Variants in EPHB2 observed in about 807,000 individuals in gnomAD.
EPHB2 encodes the protein ephrin type-B receptor 2.
EPHB2 carries 18 observed loss-of-function variants against 96.4 expected under a neutral mutation model. The observed-to-expected ratio is 0.19, with a 90% CI of 0.13 to 0.28. The LOEUF (loss-of-function observed/expected upper bound fraction) is 0.28. EPHB2 is among the 10% of genes least tolerant of loss of function. The pLI is 1.00. For missense variants in EPHB2, 989 were observed against 1,355.4 expected (o/e 0.73, Z 4.25); for synonymous variants, 506 against 534.1 (o/e 0.95, Z 0.72).
chr1:22,754,816 GAA>G (rs1644118338), intron 1 of EPHB2, among the ~76,000 whole-genome samples: 1 of 1,042 alleles, frequency 9.6e-4, no homozygotes, highest in Non-Finnish European at 2.0e-3. Context: ...AGAGGCAGGG[GAA>G]GGGAGGTGAG....
At chr1:22,827,202 G>T (rs963152122) in intron 3 of EPHB2, among the ~76,000 whole-genome samples, 5 of 152,220 alleles carry the variant, frequency 3.3e-5, no homozygotes, top group East Asian at 1.9e-4. Flanking sequence ...CCTGCAGAGA[G>T]CCCTCCCTGG....
intron 11 of EPHB2, 97 bp from the exon 12 acceptor site, chr1:22,907,856 T>A (rs1639966191): frequency 6.8e-7 from 1 of 1,468,472 alleles, no homozygotes; most frequent in Non-Finnish European, 9.5e-7. Flanking sequence ...AGAGCCAGGC[T>A]GGCAGGGCCC....
chr1:22,789,159 A>G (rs1427692736), intron 3 of EPHB2, among the ~76,000 whole-genome samples: 1 of 152,206 alleles, frequency 6.6e-6, no homozygotes, highest in Non-Finnish European at 1.5e-5. Flanking sequence ...GCTGGGACCT[A>G]AGGCCAAAGA....
At chr1:22,835,985 T>C (rs1322567942) in intron 3 of EPHB2, 2 of 152,074 alleles carry the variant, frequency 1.3e-5, no homozygotes, top group African/African-American at 4.8e-5. Flanking sequence ...TTTTTTTTTT[T>C]CCTTGACACA....
chr1:22,816,872 T>G (rs1645082530), intron 3 of EPHB2, among the ~76,000 whole-genome samples: 1 of 152,214 alleles, frequency 6.6e-6, no homozygotes, highest in East Asian at 1.9e-4. Context: ...TCAGTCCAGG[T>G]CTCCTGGCCA....
At chr1:22,876,190 C>T (rs1418477062) in intron 5 of EPHB2, among the ~76,000 whole-genome samples, 1 of 152,080 alleles carries the variant, frequency 6.6e-6, no homozygotes, top group Non-Finnish European at 1.5e-5. Flanking sequence ...CTGTGCCCAG[C>T]GACCTCTCCC....
At chr1:22,735,292 A>G (rs1265097837) in intron 1 of EPHB2, among the ~76,000 whole-genome samples, 2 of 151,924 alleles carry the variant, frequency 1.3e-5, no homozygotes, top group East Asian at 3.9e-4. Context: ...TTTTTTAATT[A>G]GTCAGGCATG....
chr1:22,793,760 T>C (rs1380590700), intron 3 of EPHB2, among the ~76,000 whole-genome samples: 1 of 152,162 alleles, frequency 6.6e-6, no homozygotes, highest in Non-Finnish European at 1.5e-5. Flanking sequence ...CATTATCTTA[T>C]TGAAACTTCT....
intron 1 of EPHB2, among the ~76,000 whole-genome samples, chr1:22,743,852 A>G (rs1643933724): frequency 6.6e-6 from 1 of 152,202 alleles, no homozygotes; most frequent in Non-Finnish European, 1.5e-5. Context: ...GGCCACCTCT[A>G]CAAATGGTAA....
Position 22,761,761 on chromosome 1 carries a change from C to T in EPHB2, c.62-19660C>T, listed in dbSNP as rs1034030093. 2.6e-4 allele frequency among the ~76,000 whole-genome samples: 39 copies of T among 152,224 alleles called. 1 individual carries two copies. The highest frequency in any genetic ancestry group is 2.2e-3 in the Admixed American group (34 of 15,292). Reference sequence around the variant, plus strand: ...GTTGAAGCAGTTGAAGCCTCCTCCCCGGCTCATCCAGACCCTCATGGTGTG... The same window carrying T: ...GTTGAAGCAGTTGAAGCCTCCTCCCTGGCTCATCCAGACCCTCATGGTGTG... On this transcript the variant is annotated intron_variant, in intron 1 of 15. Coordinates refer to ENST00000374630, the MANE Select transcript of EPHB2 (RefSeq NM_017449.5).
At chr1:22,771,390 G>A (rs138369967) in intron 1 of EPHB2, among the ~76,000 whole-genome samples, 5 of 152,188 alleles carry the variant, frequency 3.3e-5, no homozygotes, top group African/African-American at 4.8e-5. Context: ...CCAGGAGGGC[G>A]AGGGACATGG....
chr1:22,912,284 G>A (rs765648993), intron 14 of EPHB2, among the ~76,000 whole-genome samples, 160 bp from the exon 15 acceptor site: 1 of 152,144 alleles, frequency 6.6e-6, no homozygotes. Context: ...ACCCATGCCC[G>A]CAATCATGCA....
intron 3 of EPHB2, among the ~76,000 whole-genome samples, chr1:22,841,186 T>C (rs1645462937): frequency 6.6e-6 from 1 of 152,220 alleles, no homozygotes; most frequent in Non-Finnish European, 1.5e-5. Flanking sequence ...ATCATGGTAT[T>C]AGTAGACGAA....
chr1:22,721,018 A>G (rs1643451619), intron 1 of EPHB2, among the ~76,000 whole-genome samples: 1 of 152,204 alleles, frequency 6.6e-6, no homozygotes, highest in Non-Finnish European at 1.5e-5. Context: ...CAGGCACTAC[A>G]GAAGGCTGTG....
intron 3 of EPHB2, among the ~76,000 whole-genome samples, chr1:22,837,893 G>C (rs1181871845): frequency 6.6e-6 from 1 of 151,678 alleles, no homozygotes; most frequent in Non-Finnish European, 1.5e-5. Context: ...CCCACTGCTT[G>C]GGTCTAATGA....
At chr1:22,911,143 A>AAAATAAAAAAAT (rs1640087844) in intron 14 of EPHB2, among the ~76,000 whole-genome samples, 1 of 133,778 alleles carries the variant, frequency 7.5e-6, no homozygotes, top group African/African-American at 3.3e-5. Context: ...TCCATCTAAA[A>AAAATAAAAAAAT]AAATAAATAA....
chr1:22,790,706 G>A lies in EPHB2; in HGVS notation c.811+5630G>A, dbSNP rs1356148140. The stretch of plus-strand genomic sequence containing the variant: ...CTCCCAGTGGCCAACCCGCATCTGC[G>A]AGGGATCTGGAGGCAGTTCCGCAGT... On this transcript the variant is annotated intron_variant, in intron 3 of 15. Transcript: ENST00000374630. This position sits in a 1 kb window ranked among gnomAD's most constrained non-coding sequence, Gnocchi z 4.0. Among the ~76,000 whole-genome samples, 3 of 152,242 alleles carry A rather than the reference G, an allele frequency of 2.0e-5. No individual in the cohort carries two copies. The highest frequency in any genetic ancestry group is 2.1e-4 in the South Asian group (1 of 4,830).
intron 3 of EPHB2, among the ~76,000 whole-genome samples, chr1:22,807,978 G>C (rs570391004): frequency 1.2e-4 from 19 of 152,030 alleles, no homozygotes; most frequent in African/African-American, 4.1e-4. Flanking sequence ...TACTAAAAAT[G>C]CAAAAATTAG....
intron 6 of EPHB2, among the ~76,000 whole-genome samples, chr1:22,886,908 G>A (rs1639244000): frequency 6.6e-6 from 1 of 152,038 alleles, no homozygotes; most frequent in Non-Finnish European, 1.5e-5. Flanking sequence ...TTACAGGGGT[G>A]AGCCACCGCG....
Sources: gnomAD v4.1 joint callset for allele counts (sites outside exome capture counted in the v4.1 genomes callset) on GRCh38, gnomAD v4.1.1 for gene constraint, Gnocchi (gnomAD v3.1) non-coding constraint, MANE v1.5 for transcripts, NCBI Gene and HGNC (gene_info 2026-07-23, HGNC 2026-07-21) for gene names.